GPR137B: variants seen among roughly 807,000 people sequenced by gnomAD.
GPR137B encodes the protein integral membrane protein GPR137B.
A neutral mutation model predicts 42.5 loss-of-function variants in GPR137B; 42 were observed. That is an observed-to-expected ratio of 0.99 (90% CI 0.77 to 1.28). The LOEUF is 1.28. GPR137B is among the 50% of genes most tolerant of loss of function. GPR137B has a pLI of 0.00. For synonymous variants in GPR137B, 218 were observed against 209.7 expected, an observed-to-expected ratio of 1.04 and a Z score of -0.34; for missense variants, 487 against 493.9, an observed-to-expected ratio of 0.99 and a Z score of 0.13.
chr1:236,167,263 T>C (rs1558484098), intron 1 of GPR137B, among the ~76,000 whole-genome samples: 1 of 152,256 alleles, frequency 6.6e-6, no homozygotes, highest in African/African-American at 2.4e-5. Flanking sequence ...CACCCTTGTT[T>C]TGTGGTGAGA....
chr1:236,160,705 C>T (rs1662165812), intron 1 of GPR137B, among the ~76,000 whole-genome samples: 1 of 152,162 alleles, frequency 6.6e-6, no homozygotes, highest in African/African-American at 2.4e-5. Flanking sequence ...CAGGGTCTGC[C>T]TGTTCCCCCT....
intron 5 of GPR137B, among the ~76,000 whole-genome samples, chr1:236,204,832 C>T (rs536472425): frequency 1.3e-5 from 2 of 152,174 alleles, no homozygotes; most frequent in Admixed American, 6.5e-5. Context: ...CTAGATTTTA[C>T]AGTTTATTGG....
chr1:236,193,500 TGAAG>T (rs928899469), intron 5 of GPR137B, among the ~76,000 whole-genome samples: 1 of 152,212 alleles, frequency 6.6e-6, no homozygotes, highest in African/African-American at 2.4e-5. Flanking sequence ...CAGCAGTGTA[TGAAG>T]GTTCTGATTC....
chr1:236,160,220 A>G (rs1352868353), intron 1 of GPR137B, among the ~76,000 whole-genome samples: 1 of 151,936 alleles, frequency 6.6e-6, no homozygotes, highest in African/African-American at 2.4e-5. Flanking sequence ...CTGTCCTCCC[A>G]TCCTTCTTGC....
intron 1 of GPR137B, among the ~76,000 whole-genome samples, chr1:236,164,611 A>AG (rs970781863): frequency 2.0e-4 from 31 of 152,300 alleles, no homozygotes; most frequent in Non-Finnish European, 4.0e-4. Context: ...CAGAACACAG[A>AG]GGGGAGTGGG....
At chr1:236,179,537 G>A (rs750747024) in intron 3 of GPR137B, among the ~76,000 whole-genome samples, 27 of 152,274 alleles carry the variant, frequency 1.8e-4, no homozygotes, top group Middle Eastern at 3.4e-3. Context: ...CACCTGCTGC[G>A]TGTGGAAGCC....
At chr1:236,193,008 C>T (rs943700554) in intron 5 of GPR137B, among the ~76,000 whole-genome samples, 1 of 152,054 alleles carries the variant, frequency 6.6e-6, no homozygotes, top group Non-Finnish European at 1.5e-5. Context: ...GATTCCCCTG[C>T]CTCAGACTCC....
At chr1:236,193,661 T>C (rs1663259168) in intron 5 of GPR137B, among the ~76,000 whole-genome samples, 1 of 152,242 alleles carries the variant, frequency 6.6e-6, no homozygotes. Flanking sequence ...TGGTCATTTG[T>C]ATATCCTCTT....
chr1:236,147,310 C>T (rs535761861), intron 1 of GPR137B, among the ~76,000 whole-genome samples: 118 of 152,348 alleles, frequency 7.7e-4, no homozygotes, highest in African/African-American at 2.5e-3. Context: ...CTTGCTCTGG[C>T]GCCGCCTCTG....
At chr1:236,169,993 T>C (rs956252545) in intron 2 of GPR137B, among the ~76,000 whole-genome samples, 1 of 145,638 alleles carries the variant, frequency 6.9e-6, no homozygotes, top group Admixed American at 6.9e-5. Context: ...TAAGCCAAGA[T>C]TGCACCACTG....
intron 1 of GPR137B, among the ~76,000 whole-genome samples, chr1:236,144,429 C>A (rs1175883965): frequency 6.6e-6 from 1 of 151,860 alleles, no homozygotes; most frequent in African/African-American, 2.4e-5. Flanking sequence ...AACGAACAAA[C>A]AAACAAAAAA....
At chr1:236,152,356 A>G (rs1347839651) in intron 1 of GPR137B, among the ~76,000 whole-genome samples, 3 of 151,910 alleles carry the variant, frequency 2.0e-5, no homozygotes, top group African/African-American at 7.3e-5. Flanking sequence ...CAGCTACTCA[A>G]GAGGCTGAGG....
chr1:236,146,614 C>T (rs1202485674), intron 1 of GPR137B, among the ~76,000 whole-genome samples: 3 of 152,190 alleles, frequency 2.0e-5, no homozygotes, highest in Admixed American at 6.5e-5. Flanking sequence ...CACACTGCCC[C>T]GTCCGAGCCT....
At chr1:236,186,277 A>AATATATATAATAT (rs1174281631) in intron 5 of GPR137B, among the ~76,000 whole-genome samples, 2,795 of 17,464 alleles carry the variant, frequency 0.16, 541 homozygotes, top group East Asian at 0.19. Flanking sequence ...TATTATATAT[A>AATATATATAATAT]ATAATATAAA....
chr1:236,180,539 G>C, intron 4 of GPR137B, among the ~76,000 whole-genome samples: 1 of 152,046 alleles, frequency 6.6e-6, no homozygotes, highest in East Asian at 1.9e-4. Flanking sequence ...AAAACCAGGA[G>C]ATTACATATT....
rs564540626 is a variant in GPR137B at position 236,178,208 on chromosome 1, T to G, written c.465-206T>G. Among the ~76,000 whole-genome samples the G allele has an allele frequency of 6.6e-5, 10 of 152,084 alleles. No individual in the cohort carries two copies. The South Asian group carries it at 2.1e-3, about 32-fold the overall frequency. Reference sequence around the variant, plus strand: ...CACAACATCCCACAGATGGGGAAAGTGGGGTTCAGAGAGGTAAAGGACCAT... The same window carrying G: ...CACAACATCCCACAGATGGGGAAAGGGGGGTTCAGAGAGGTAAAGGACCAT... On this transcript the variant is annotated intron_variant, in intron 2 of 6. Coordinates refer to ENST00000366592, the MANE Select transcript of GPR137B (RefSeq NM_003272.4).
At chr1:236,151,825 T>G (rs1053535563) in intron 1 of GPR137B, among the ~76,000 whole-genome samples, 11 of 152,176 alleles carry the variant, frequency 7.2e-5, no homozygotes, top group African/African-American at 2.7e-4. Flanking sequence ...GTTGGCTCTG[T>G]GGGCTGCTCC....
At chr1:236,191,956 A>G (rs919676435) in intron 5 of GPR137B, among the ~76,000 whole-genome samples, 2 of 152,180 alleles carry the variant, frequency 1.3e-5, no homozygotes, top group African/African-American at 4.8e-5. Flanking sequence ...GCTCTGTCCC[A>G]GGGAGATGGG....
chr1:236,190,641 A>T (rs1663167306), intron 5 of GPR137B, among the ~76,000 whole-genome samples: 1 of 145,886 alleles, frequency 6.9e-6, no homozygotes. Context: ...TTTTTCTTTA[A>T]GAATGTTGAA....
Sources: gnomAD v4.1 joint callset for allele counts (sites outside exome capture counted in the v4.1 genomes callset) on GRCh38, gnomAD v4.1.1 for gene constraint, MANE v1.5 for transcripts, NCBI Gene and HGNC (gene_info 2026-07-23, HGNC 2026-07-21) for gene names.